TPD52L1: variants seen among roughly 807,000 people sequenced by gnomAD.
The protein encoded by TPD52L1 is tumor protein D53.
TPD52L1 carries 18 observed loss-of-function variants against 28.7 expected under a neutral mutation model. The ratio of observed to expected loss-of-function variants is 0.63; its 90% CI spans 0.43 to 0.93. TPD52L1 has a LOEUF of 0.93. TPD52L1 is among the 40% of genes least tolerant of loss of function. The pLI is 0.00. For missense variants in TPD52L1, 203 were observed against 254.8 expected, an observed-to-expected ratio of 0.80 and a Z score of 1.39; for synonymous variants, 75 against 88.8, an observed-to-expected ratio of 0.84 and a Z score of 0.88.
chr6:125,222,429 C>T (rs1795299870), intron 2 of TPD52L1, among the ~76,000 whole-genome samples: 1 of 152,158 alleles, frequency 6.6e-6, no homozygotes, highest in Non-Finnish European at 1.5e-5. Flanking sequence ...TAGATGACGG[C>T]CTTGGAGTCA....
At chr6:125,208,828 G>A (rs1260030554) in intron 1 of TPD52L1, 4 of 752,612 alleles carry the variant, frequency 5.3e-6, no homozygotes, top group African/African-American at 1.9e-5. Context: ...AGAGTGCTGT[G>A]TGGTGACAGC....
chr6:125,192,389 A>G (rs754504224), intron 1 of TPD52L1, among the ~76,000 whole-genome samples: 1 of 151,740 alleles, frequency 6.6e-6, no homozygotes, highest in African/African-American at 2.4e-5. Context: ...AGCTTAGAGC[A>G]TAGTCTATGC....
At chr6:125,172,552 A>ATACTATATATATACT (rs71024714) in intron 1 of TPD52L1, among the ~76,000 whole-genome samples, 20 of 72,398 alleles carry the variant, frequency 2.8e-4, no homozygotes, top group Non-Finnish European at 3.8e-4. Flanking sequence ...ATATATATAT[A>ATACTATATATATACT]ATATATATAC....
intron 1 of TPD52L1, among the ~76,000 whole-genome samples, chr6:125,171,321 G>C (rs1310581089): frequency 6.6e-6 from 1 of 152,166 alleles, no homozygotes; most frequent in Non-Finnish European, 1.5e-5. Context: ...GCTTGTGGCA[G>C]ACAGACCCTA....
intron 5 of TPD52L1, among the ~76,000 whole-genome samples, chr6:125,255,527 TA>T (rs1357292466): frequency 6.6e-6 from 1 of 152,210 alleles, no homozygotes; most frequent in African/African-American, 2.4e-5. Context: ...TCACCATTGT[TA>T]ATCTGTACAG....
intron 1 of TPD52L1, among the ~76,000 whole-genome samples, chr6:125,209,881 A>T (rs1210808089): frequency 6.6e-6 from 1 of 152,236 alleles, no homozygotes; most frequent in Non-Finnish European, 1.5e-5. Context: ...TTGGGGCAAC[A>T]AATAATTTAT....
intron 1 of TPD52L1, among the ~76,000 whole-genome samples, chr6:125,216,861 T>C (rs973627450): frequency 2.6e-5 from 4 of 152,072 alleles, no homozygotes; most frequent in Admixed American, 2.6e-4. Flanking sequence ...TGGCACACTA[T>C]TGATTCAGAC....
At chr6:125,189,625 A>T (rs1192693850) in intron 1 of TPD52L1, among the ~76,000 whole-genome samples, 7 of 152,210 alleles carry the variant, frequency 4.6e-5, no homozygotes, top group Admixed American at 2.0e-4. Flanking sequence ...ATTAACATTG[A>T]TGCCTTTGAT....
intron 1 of TPD52L1, among the ~76,000 whole-genome samples, chr6:125,203,172 G>C (rs1254651983): frequency 6.6e-6 from 1 of 151,978 alleles, no homozygotes; most frequent in Non-Finnish European, 1.5e-5. Flanking sequence ...TAGATGGTCT[G>C]GTTATTTTTA....
At chr6:125,260,440 A>G (rs905501153) in intron 6 of TPD52L1, 1 of 152,202 alleles carries the variant, frequency 6.6e-6, no homozygotes, top group African/African-American at 2.4e-5. Flanking sequence ...AAATAAAAAT[A>G]ATATTTCGTG....
chr6:125,233,012 C>T (rs548777045), intron 3 of TPD52L1, among the ~76,000 whole-genome samples: 1 of 152,146 alleles, frequency 6.6e-6, no homozygotes, highest in South Asian at 2.1e-4. Context: ...CTTCTGTAGG[C>T]AGAAGTAGAA....
In TPD52L1 at chr6:125,153,803, C is replaced by G. The variant is rs1055920923; in HGVS notation, c.-149C>G. ...CGGCTAGTGGCGGCTGCCTGCGTCC[C>G]CAACCCCCTCCGCGCAGCGCTCGCG... On this transcript the variant is annotated 5_prime_UTR_variant, in exon 1 of 7. Transcript: ENST00000534000. 14 of 897,028 alleles carry G rather than the reference C, an allele frequency of 1.6e-5. No homozygotes were observed. Among genetic ancestry groups the G allele is most frequent in the Non-Finnish European group, 2.2e-5 (14 of 625,246 alleles). The allele number at this position is 897,028 out of a possible 1,614,324, so 55.6% of individuals were successfully genotyped here. A position where few individuals can be genotyped will look rare whatever the true frequency, so the allele number is the denominator to read the frequency against.
At chr6:125,240,250 G>A (rs946573398) in intron 3 of TPD52L1, among the ~76,000 whole-genome samples, 2 of 152,124 alleles carry the variant, frequency 1.3e-5, no homozygotes, top group East Asian at 3.8e-4. Context: ...TTTGAAGTCT[G>A]GTAATGTGAT....
At position 125,215,601 on chromosome 6, in the gene TPD52L1, G is replaced by C. The variant is rs193026058; in HGVS notation, c.20-4477G>C. 4.9e-3 allele frequency among the ~76,000 whole-genome samples: 747 copies of C among 152,262 alleles called. 5 individuals are homozygous for C. Among genetic ancestry groups the C allele is most frequent in the African/African-American group, 0.017 (702 of 41,552 alleles). ...CTGGCAGTGAGACTTTGAAAGATTC[G>C]TGATGTCTCTGAGGAGTGGGATGTT... On this transcript the variant is annotated intron_variant, in intron 1 of 6. Transcript: ENST00000534000.
At chr6:125,157,874 C>T (rs926027434) in intron 1 of TPD52L1, among the ~76,000 whole-genome samples, 1 of 152,106 alleles carries the variant, frequency 6.6e-6, no homozygotes, top group Non-Finnish European at 1.5e-5. Context: ...CATTGTTTGG[C>T]GGTTAGAATT....
rs987771404 is a variant in TPD52L1, at chr6:125,154,465, C to G, written c.19+495C>G. 15 of 985,982 alleles carry G rather than the reference C, an allele frequency of 1.5e-5. No individual in the cohort carries two copies. In the South Asian group the frequency reaches 4.7e-4, roughly 31 times the overall value. 61.1% of individuals were successfully genotyped at this position (985,982 alleles called of 1,614,324 possible). A position where few individuals can be genotyped will look rare whatever the true frequency, so the allele number is the denominator to read the frequency against. On this transcript the variant is annotated intron_variant, in intron 1 of 6. Coordinates refer to ENST00000534000, the MANE Select transcript of TPD52L1 (RefSeq NM_003287.4). ...CAGCCCGGCTGCGCGAGACGCTTCC[C>G]GCTCGGGGACCCGCCTTCCGAGGCC...
chr6:125,223,967 G>A (rs988667503), intron 2 of TPD52L1, among the ~76,000 whole-genome samples: 3 of 151,534 alleles, frequency 2.0e-5, no homozygotes, highest in Non-Finnish European at 4.4e-5. Context: ...TACAAACCTT[G>A]TCAGTAAATA....
At chr6:125,154,344 A>G in intron 1 of TPD52L1, 1 of 1,048,358 alleles carries the variant, frequency 9.5e-7, no homozygotes, top group Non-Finnish European at 1.1e-6. Flanking sequence ...GGGAGTGGGG[A>G]GGGAATGTGA....
chr6:125,204,430 T>C (rs973178359), intron 1 of TPD52L1, among the ~76,000 whole-genome samples: 1 of 152,210 alleles, frequency 6.6e-6, no homozygotes, highest in Non-Finnish European at 1.5e-5. Flanking sequence ...GGTTATTTTA[T>C]ATTCAACACT....
Sources: allele counts gnomAD v4.1 joint callset (sites outside exome capture counted in the v4.1 genomes callset), GRCh38; gene constraint gnomAD v4.1.1; transcripts MANE v1.5; gene names NCBI Gene and HGNC (gene_info 2026-07-23, HGNC 2026-07-21).